The following SLC30A10 variants were observed in gnomAD, a reference collection of about 807,000 sequenced individuals.
The protein encoded by SLC30A10 is calcium/manganese antiporter SLC30A10.
Under a neutral mutation model 21.7 loss-of-function variants are expected in SLC30A10, and 8 were observed. The observed-to-expected ratio is 0.37, with a 90% confidence interval of 0.22 to 0.67. The LOEUF (loss-of-function observed/expected upper bound fraction) is 0.67, where lower values mean the gene tolerates loss of function less well. Among genes scored for constraint, SLC30A10 ranks in the 30% least tolerant of loss-of-function variants. The pLI, the probability that SLC30A10 is intolerant of heterozygous loss-of-function variation, is 0.58. For missense variants in SLC30A10, 521 were observed against 642.5 expected, an observed-to-expected ratio of 0.81 and a Z score of 2.04; for synonymous variants, 272 against 279.4, an observed-to-expected ratio of 0.97 and a Z score of 0.26.
At chr1:219,936,449 T>C (rs6669747) in intron 1 of SLC30A10, among the ~76,000 whole-genome samples, 48,338 of 152,034 alleles carry the variant, frequency 0.32, 8,194 homozygotes, top group Non-Finnish European at 0.39. Flanking sequence ...CCCTCCCTGC[T>C]TTCCTGTGGT....
intron 2 of SLC30A10, among the ~76,000 whole-genome samples, chr1:219,922,174 G>GTGTGTGTGTGTGTGTGTTTTTGT: frequency 5.5e-5 from 1 of 18,218 alleles, no homozygotes; most frequent in Non-Finnish European, 1.1e-4. Context: ...GTGTGTGTGT[G>GTGTGTGTGTGTGTGTGTTTTTGT]TGTTTTTTTT....
At chr1:219,927,175 CAAAAT>C (rs1412643571) in intron 1 of SLC30A10, 70 bp from the exon 2 acceptor site, 12 of 1,514,656 alleles carry the variant, frequency 7.9e-6, no homozygotes, top group Admixed American at 3.4e-5. Flanking sequence ...CCAATGGACT[CAAAAT>C]AAAGTTTTGT....
At chr1:219,953,029 T>G (rs1289278902) in intron 1 of SLC30A10, among the ~76,000 whole-genome samples, 2 of 152,154 alleles carry the variant, frequency 1.3e-5, no homozygotes, top group Non-Finnish European at 2.9e-5. Context: ...GTCTCTACCA[T>G]GGGACAGATA....
chr1:219,951,490 G>A (rs1571814570), intron 1 of SLC30A10, among the ~76,000 whole-genome samples: 1 of 151,882 alleles, frequency 6.6e-6, no homozygotes, highest in South Asian at 2.1e-4. Context: ...GGGAGGCCGA[G>A]GCGTGTGGAT....
intron 1 of SLC30A10, among the ~76,000 whole-genome samples, chr1:219,941,309 C>CTGAA (rs1488932450): frequency 2.0e-5 from 3 of 152,204 alleles, no homozygotes; most frequent in African/African-American, 7.2e-5. Flanking sequence ...TTTGCTAAGG[C>CTGAA]TGAACTTCAG....
chr1:219,932,063 C>CTT (rs1271562244), upstream of SLC30A10, among the ~76,000 whole-genome samples: 11 of 138,662 alleles, frequency 7.9e-5, no homozygotes, highest in Admixed American at 2.2e-4. Flanking sequence ...ACTCAATCAT[C>CTT]TTTTTTTTTT....
chr1:219,948,566 A>G (rs1397429372), intron 1 of SLC30A10, among the ~76,000 whole-genome samples: 1 of 152,188 alleles, frequency 6.6e-6, no homozygotes, highest in Non-Finnish European at 1.5e-5. Flanking sequence ...CATATGTAGA[A>G]AGCTGAAACT....
At chr1:219,930,177 A>AAC (rs536547418), upstream of SLC30A10, among the ~76,000 whole-genome samples, 351 of 150,508 alleles carry the variant, frequency 2.3e-3, 3 homozygotes, top group African/African-American at 7.9e-3. Context: ...CAAACAAACA[A>AAC]AAAAAAAACA....
chr1:219,923,449 A>G (rs1659742897), intron 2 of SLC30A10, among the ~76,000 whole-genome samples: 1 of 152,198 alleles, frequency 6.6e-6, no homozygotes, highest in Non-Finnish European at 1.5e-5. Flanking sequence ...GTGCTGTTGA[A>G]TTTGTTGAAT....
At position 219,911,149 on chromosome 1, in the gene SLC30A10, GTTTTTTTTTTTTT is replaced by G; in HGVS notation, c.*4287_*4299del. On this transcript the variant is annotated 3_prime_UTR_variant, in exon 4 of 4. Transcript: ENST00000366926. ...ATGTTTCTTCATTTTTTCTACATCA[GTTTTTTTTTTTTT>G]TTTTTTTTTTTTGCAGTCTTTTACT... 4.0e-5 allele frequency among the ~76,000 whole-genome samples: 2 copies of G among 49,420 alleles called. No individual in the cohort carries two copies. Among genetic ancestry groups the G allele is most frequent in the East Asian group, 8.4e-4 (1 of 1,184 alleles). 32.4% of individuals were successfully genotyped at this position (49,420 alleles called of 152,430 possible).
At chr1:219,940,892 T>C (rs747297665) in intron 1 of SLC30A10, among the ~76,000 whole-genome samples, 1 of 152,208 alleles carries the variant, frequency 6.6e-6, no homozygotes, top group Non-Finnish European at 1.5e-5. Flanking sequence ...CAGATTTGTT[T>C]GGACAACTGT....
chr1:219,942,019 C>T (rs1660130272), intron 1 of SLC30A10, among the ~76,000 whole-genome samples: 1 of 152,214 alleles, frequency 6.6e-6, no homozygotes, highest in Non-Finnish European at 1.5e-5. Flanking sequence ...GACTTCTTTC[C>T]TTTCTGAGTC....
At chr1:219,952,224 G>C (rs1660281402) in intron 1 of SLC30A10, among the ~76,000 whole-genome samples, 1 of 152,128 alleles carries the variant, frequency 6.6e-6, no homozygotes, top group African/African-American at 2.4e-5. Flanking sequence ...TGAGTGTTCA[G>C]TGTATTCCAA....
chr1:219,954,950 A>C (rs1234249732), intron 1 of SLC30A10, among the ~76,000 whole-genome samples: 1 of 152,164 alleles, frequency 6.6e-6, no homozygotes, highest in Non-Finnish European at 1.5e-5. Flanking sequence ...AGGCAAGGGC[A>C]TGGAGGGTTT....
chr1:219,922,154 T>TTTGTGTG (rs1159787756), intron 2 of SLC30A10, among the ~76,000 whole-genome samples: 1 of 62,528 alleles, frequency 1.6e-5, no homozygotes, highest in East Asian at 5.7e-4. Context: ...TTTTACCTTC[T>TTTGTGTG]TGTTTGTGTG....
intron 1 of SLC30A10, 135 bp downstream of exon 1, chr1:219,927,666 A>AAAAAAAC (rs1553313720): frequency 1.6e-4 from 41 of 251,850 alleles, no homozygotes; most frequent in South Asian, 2.6e-4. Context: ...AAAAAAAAAA[A>AAAAAAAC]AACAACAACA....
At chr1:219,958,203 A>T (rs888712068) in intron 1 of SLC30A10, among the ~76,000 whole-genome samples, 16 of 152,154 alleles carry the variant, frequency 1.1e-4, no homozygotes, top group African/African-American at 3.9e-4. Flanking sequence ...GCCATGTCAC[A>T]TATGGGTAAA....
chr1:219,938,173 G>C (rs940495792), intron 1 of SLC30A10, among the ~76,000 whole-genome samples: 1 of 152,120 alleles, frequency 6.6e-6, no homozygotes, highest in African/African-American at 2.4e-5. Context: ...TGCTAACAGT[G>C]GGGGAAGGGG....
At chr1:219,925,352 G>A (rs1558253183) in intron 2 of SLC30A10, among the ~76,000 whole-genome samples, 1 of 151,822 alleles carries the variant, frequency 6.6e-6, no homozygotes, top group Non-Finnish European at 1.5e-5. Context: ...TGGCCAACAT[G>A]GTGAAACCCC....
Sources: gnomAD v4.1 joint callset for allele counts (sites outside exome capture counted in the v4.1 genomes callset) on GRCh38, gnomAD v4.1.1 for gene constraint, MANE v1.5 for transcripts, NCBI Gene and HGNC (gene_info 2026-07-23, HGNC 2026-07-21) for gene names.